The following GLI2 variants were observed in gnomAD, a reference collection of about 807,000 sequenced individuals.
GLI2 encodes the protein transcription activator GLI2.
In GLI2, 22 loss-of-function variants were observed where a neutral mutation model predicts 78.9. That is an observed-to-expected ratio of 0.28 (90% confidence interval 0.20 to 0.40). The LOEUF is 0.40. GLI2 is among the 10% of genes least tolerant of loss of function. The pLI, the probability that GLI2 is intolerant of heterozygous loss-of-function variation, is 1.00. For synonymous variants in GLI2, 974 were observed against 963.7 expected, an observed-to-expected ratio of 1.01 and a Z score of -0.20; for missense variants, 2,097 against 2,213.2, an observed-to-expected ratio of 0.95 and a Z score of 1.05.
chr2:120,876,341 C>CA (rs1016004928), intron 2 of GLI2, among the ~76,000 whole-genome samples: 2 of 151,994 alleles, frequency 1.3e-5, no homozygotes, highest in African/African-American at 4.8e-5. Flanking sequence ...GACTCCGTCT[C>CA]AAAAAAATAA....
At chr2:120,983,946 G>GGGTGGGT (rs112474343) in intron 11 of GLI2, among the ~76,000 whole-genome samples, 1 of 143,124 alleles carries the variant, frequency 7.0e-6, no homozygotes, top group Non-Finnish European at 1.5e-5. Flanking sequence ...TGGTGTGTGG[G>GGGTGGGT]GTGTGTGTGT....
chr2:120,825,751 C>T (rs80146274), intron 2 of GLI2, among the ~76,000 whole-genome samples: 1 of 152,250 alleles, frequency 6.6e-6, no homozygotes, highest in Non-Finnish European at 1.5e-5. Context: ...CCATGTCCCC[C>T]TCCTGGTGCT....
At chr2:120,748,317 C>T (rs1573338106) in intron 1 of GLI2, among the ~76,000 whole-genome samples, 1 of 152,328 alleles carries the variant, frequency 6.6e-6, no homozygotes, top group South Asian at 2.1e-4. Flanking sequence ...ATGAAAAGCC[C>T]CAGAGTGAAG....
chr2:120,776,760 A>G (rs1683687748), intron 1 of GLI2, among the ~76,000 whole-genome samples: 1 of 152,210 alleles, frequency 6.6e-6, no homozygotes, highest in South Asian at 2.1e-4. Flanking sequence ...GAGCCGGGGC[A>G]GAGGCATCCT....
intron 2 of GLI2, among the ~76,000 whole-genome samples, chr2:120,809,504 C>T (rs55922034): frequency 6.6e-5 from 10 of 151,506 alleles, no homozygotes; most frequent in African/African-American, 2.2e-4. Context: ...TACAAGGGTG[C>T]ATTTTATGGT....
intron 2 of GLI2, chr2:120,867,113 G>A (rs1281116064): frequency 6.6e-6 from 1 of 152,328 alleles, no homozygotes; most frequent in Non-Finnish European, 1.5e-5. Flanking sequence ...TTCTTACCCA[G>A]TGGGCTGCCT....
intron 2 of GLI2, among the ~76,000 whole-genome samples, chr2:120,876,699 G>A (rs978666056): frequency 3.9e-5 from 6 of 152,030 alleles, no homozygotes; most frequent in African/African-American, 1.4e-4. Context: ...GGCTCCACTG[G>A]GGCTTTGTGT....
chr2:120,754,996 C>G (rs999533837), intron 1 of GLI2, among the ~76,000 whole-genome samples: 6 of 151,998 alleles, frequency 3.9e-5, no homozygotes, highest in African/African-American at 1.4e-4. Flanking sequence ...GGATTATAGA[C>G]GCCCACCACC....
chr2:120,742,953 A>G (rs562078661), intron 1 of GLI2, among the ~76,000 whole-genome samples: 1 of 152,298 alleles, frequency 6.6e-6, no homozygotes, highest in South Asian at 2.1e-4. Context: ...ATATTTTTAA[A>G]CCTCAGATGG....
intron 2 of GLI2, among the ~76,000 whole-genome samples, chr2:120,797,753 G>A (rs1291270163): frequency 1.6e-4 from 24 of 152,072 alleles, no homozygotes; most frequent in Admixed American, 1.6e-3. Flanking sequence ...AGAGAGGGAG[G>A]AGGGGCATGG....
At chr2:120,853,743 C>T (rs570260929) in intron 2 of GLI2, among the ~76,000 whole-genome samples, 8 of 152,202 alleles carry the variant, frequency 5.3e-5, no homozygotes, top group Non-Finnish European at 7.3e-5. Context: ...CCTCTCTCCT[C>T]GCAGGCCCCA....
Position 120,873,050 on chromosome 2 carries a change from T to C in GLI2, c.149-54311T>C, listed in dbSNP as rs564451879. On this transcript the variant is annotated intron_variant, in intron 2 of 13. Transcript: ENST00000361492. ...GTGTTGTATATAGTGTGTGCACAAT[T>C]ATTCACACACACATACCTGCCTGCT... Among the ~76,000 whole-genome samples the C allele has an allele frequency of 3.9e-5, 6 of 152,352 alleles. No homozygotes were observed. In the South Asian group the frequency reaches 6.2e-4, roughly 16 times the overall value.
chr2:120,793,475 G>C (rs1013016277), intron 1 of GLI2, among the ~76,000 whole-genome samples: 1 of 152,174 alleles, frequency 6.6e-6, no homozygotes, highest in Non-Finnish European at 1.5e-5. Context: ...AGGGCTTGAC[G>C]GGCCTGCCTC....
intron 4 of GLI2, among the ~76,000 whole-genome samples, chr2:120,952,818 C>G (rs986150551): frequency 1.3e-5 from 2 of 152,232 alleles, no homozygotes; most frequent in East Asian, 1.9e-4. Flanking sequence ...CCACATCACT[C>G]CTGAGGTCCC....
chr2:120,780,025 G>A (rs1370200653), intron 1 of GLI2, among the ~76,000 whole-genome samples: 1 of 152,068 alleles, frequency 6.6e-6, no homozygotes, highest in Non-Finnish European at 1.5e-5. Flanking sequence ...ATCACTGCAT[G>A]GTGAAGGAAT....
At position 120,979,967 on chromosome 2, in the gene GLI2, C is replaced by T. The variant is rs555959576; in HGVS notation, c.1467+1384C>T. Reference sequence around the variant, plus strand: ...AGGTTCACCTGCGTTGTAGCATGCACGCGTACTTTCTTTCTTTTTGTGGCT... The same window carrying T: ...AGGTTCACCTGCGTTGTAGCATGCATGCGTACTTTCTTTCTTTTTGTGGCT... On this transcript the variant is annotated intron_variant, in intron 10 of 13. Transcript: ENST00000361492. Among the ~76,000 whole-genome samples the T allele has an allele frequency of 1.8e-4, 27 of 152,316 alleles. No homozygotes were observed. In the South Asian group the frequency reaches 2.9e-3, roughly 16 times the overall value.
intron 4 of GLI2, among the ~76,000 whole-genome samples, chr2:120,954,376 G>T (rs2104961120): frequency 6.6e-6 from 1 of 152,310 alleles, no homozygotes; most frequent in Non-Finnish European, 1.5e-5. Flanking sequence ...CTGGCTGGAG[G>T]CCCGGACTCT....
chr2:120,955,758 AG>A (rs1681229875), intron 5 of GLI2, among the ~76,000 whole-genome samples: 1 of 151,768 alleles, frequency 6.6e-6, no homozygotes, highest in Non-Finnish European at 1.5e-5. Context: ...GAAACAAAGC[AG>A]GGGCGGGGGG....
intron 1 of GLI2, among the ~76,000 whole-genome samples, chr2:120,771,590 G>A (rs1261586515): frequency 6.6e-6 from 1 of 152,236 alleles, no homozygotes; most frequent in Non-Finnish European, 1.5e-5. Context: ...GACTTAGTGC[G>A]GCTCTGACTG....
Sources: gnomAD v4.1 joint callset for allele counts (sites outside exome capture counted in the v4.1 genomes callset) on GRCh38, gnomAD v4.1.1 for gene constraint, MANE v1.5 for transcripts, NCBI Gene and HGNC (gene_info 2026-07-23, HGNC 2026-07-21) for gene names.